Variants in ETFDH observed in about 807,000 individuals in gnomAD.
ETFDH encodes electron transfer flavoprotein-ubiquinone oxidoreductase, mitochondrial.
Under a neutral mutation model 73.2 loss-of-function variants are expected in ETFDH, and 61 were observed. The ratio of observed to expected loss-of-function variants is 0.83; its 90% CI spans 0.68 to 1.03. The LOEUF (loss-of-function observed/expected upper bound fraction) is 1.03. Among genes scored for constraint, ETFDH ranks in the 50% least tolerant of loss-of-function variants. The pLI is 0.00. For synonymous variants in ETFDH, 243 were observed against 253.3 expected (o/e 0.96, Z 0.39); for missense variants, 685 against 745.0 (o/e 0.92, Z 0.94).
chr4:158,675,629 C>T (rs888049611), intron 1 of ETFDH, among the ~76,000 whole-genome samples: 6 of 152,132 alleles, frequency 3.9e-5, no homozygotes, highest in African/African-American at 1.4e-4. Context: ...ATTATCCGGG[C>T]ATGGTGGCAT....
chr4:158,688,476 G>C (rs996775650), intron 5 of ETFDH, among the ~76,000 whole-genome samples: 1 of 150,662 alleles, frequency 6.6e-6, no homozygotes, highest in African/African-American at 2.4e-5. Context: ...ACGAGGTCAG[G>C]AGATCGAGAC....
intron 9 of ETFDH, among the ~76,000 whole-genome samples, chr4:158,699,758 AC>A (rs756253490): frequency 1.1e-4 from 16 of 152,200 alleles, no homozygotes; most frequent in Non-Finnish European, 1.8e-4. Context: ...CTACCTAGTA[AC>A]ATTCATGCCT....
rs140731939 is a variant in ETFDH at position 158,680,540 on chromosome 4, T to G, written c.108T>G (p.Thr36=). 2.5e-6 allele frequency: 4 copies of G among 1,605,628 alleles called. No homozygotes were observed. In the African/African-American group the frequency reaches 4.0e-5, roughly 16 times the overall value. The change falls in exon 2 of 13, where the codon ACT becomes ACG. Residue 36 remains threonine (T), a synonymous_variant. Transcript: ENST00000511912. The part of the protein sequence containing the change: ...LPLCATRWSS[T]STVPRITTHY... ...TATGTGCTACAAGATGGTCTTCAACTTCTACTGTGCCTCGAATTACTACCC... is the reference window on the plus strand; with the variant it reads ...TATGTGCTACAAGATGGTCTTCAACGTCTACTGTGCCTCGAATTACTACCC...
chr4:158,675,280 G>A (rs1280755024), intron 1 of ETFDH, among the ~76,000 whole-genome samples: 2 of 152,098 alleles, frequency 1.3e-5, no homozygotes, highest in Admixed American at 6.6e-5. Flanking sequence ...TCCTGTACAT[G>A]GAAGCATATA....
At chr4:158,691,607 G>A (rs1379476748) in intron 6 of ETFDH, among the ~76,000 whole-genome samples, 1 of 152,206 alleles carries the variant, frequency 6.6e-6, no homozygotes, top group African/African-American at 2.4e-5. Flanking sequence ...ACAGGCGTGA[G>A]CCACCGTGCC....
Position 158,692,256 on chromosome 4 carries a change from C to T in ETFDH, c.684+1831C>T, listed in dbSNP as rs76533944. On this transcript the variant is annotated intron_variant, in intron 6 of 12. Transcript: ENST00000511912. ...AAAAAAAAAATACAAAAAAATTAGC[C>T]GGGCGTAGTGGCGCACGCCTGTAAT... Among the ~76,000 whole-genome samples, 3 of 152,062 alleles carry T rather than the reference C, an allele frequency of 2.0e-5. No individual in the cohort carries two copies. In the East Asian group the frequency reaches 5.8e-4, roughly 29 times the overall value.
At chr4:158,678,051 G>A (rs775401130) in intron 1 of ETFDH, among the ~76,000 whole-genome samples, 2 of 152,200 alleles carry the variant, frequency 1.3e-5, no homozygotes, top group Non-Finnish European at 2.9e-5. Context: ...TTACAGATAA[G>A]TTGCAAAAAT....
At chr4:158,684,787 A>C in intron 4 of ETFDH, 114 bp downstream of exon 4, 1 of 751,274 alleles carries the variant, frequency 1.3e-6, no homozygotes, top group African/African-American at 1.7e-5. Flanking sequence ...CAGATATTTG[A>C]AGGACTTACT....
At chr4:158,683,881 C>T (rs926026832) in intron 3 of ETFDH, among the ~76,000 whole-genome samples, 1 of 152,128 alleles carries the variant, frequency 6.6e-6, no homozygotes, top group African/African-American at 2.4e-5. Context: ...TATGTATAGC[C>T]AGCAGGTACA....
At chr4:158,678,684 G>C (rs951440246) in intron 1 of ETFDH, among the ~76,000 whole-genome samples, 1 of 138,418 alleles carries the variant, frequency 7.2e-6, no homozygotes, top group Non-Finnish European at 1.5e-5. Flanking sequence ...CAAGGTGCTT[G>C]TTGCCCAGGT....
chr4:158,707,170 T>C (rs1418644377), intron 12 of ETFDH, among the ~76,000 whole-genome samples: 4 of 152,210 alleles, frequency 2.6e-5, no homozygotes, highest in African/African-American at 7.2e-5. Context: ...TGTATGTATT[T>C]GGGTGCATGT....
At chr4:158,692,231 A>G (rs570012969) in intron 6 of ETFDH, among the ~76,000 whole-genome samples, 18 of 148,838 alleles carry the variant, frequency 1.2e-4, no homozygotes, top group African/African-American at 4.4e-4. Context: ...GTCCCTACTG[A>G]AAAAAAAAAT....
intron 9 of ETFDH, chr4:158,700,845 G>A (rs9918016): frequency 0.28 from 42,316 of 152,018 alleles, 6,099 homozygotes; most frequent in African/African-American, 0.31. Context: ...GCTGCCATTC[G>A]GCATTGATGA....
In ETFDH at chr4:158,708,734, C is replaced by G; in HGVS notation, c.*207C>G. 3.9e-6 allele frequency: 2 copies of G among 516,522 alleles called. No homozygotes were observed. Among genetic ancestry groups the G allele is most frequent in the Non-Finnish European group, 6.9e-6 (2 of 289,952 alleles). The allele number at this position is 516,522 out of a possible 1,614,324, so 32.0% of individuals were successfully genotyped here. A position where few individuals can be genotyped will look rare whatever the true frequency, so the allele number is the denominator to read the frequency against. On this transcript the variant is annotated 3_prime_UTR_variant, in exon 13 of 13. Transcript: ENST00000511912. Reference sequence around the variant, plus strand: ...AATAACCTTTATAAGAATGCAGCATCTTCCTACCTCTTCAGTTCTTCAGAG... The same window carrying G: ...AATAACCTTTATAAGAATGCAGCATGTTCCTACCTCTTCAGTTCTTCAGAG...
Position 158,687,867 on chromosome 4 carries a change from C to T in ETFDH, c.607-2481C>T, listed in dbSNP as rs548115002. On this transcript the variant is annotated intron_variant, in intron 5 of 12. Coordinates refer to ENST00000511912, the MANE Select transcript of ETFDH (RefSeq NM_004453.4). ...CATCCTGGATAACATGGTGAAACCC[C>T]GTCTCTACTAAAAATACGAAAAATT... Among the ~76,000 whole-genome samples the T allele has an allele frequency of 4.0e-5, 6 of 151,424 alleles. No individual in the cohort carries two copies. In the South Asian group the frequency reaches 1.2e-3, roughly 32 times the overall value.
Position 158,685,680 on chromosome 4 carries a change from G to C in ETFDH, c.606+461G>C, listed in dbSNP as rs1773985625. ...GTCTCTGCCCTCTGAAGGTTCACCA[G>C]AAATGAACTGACAATAGACAGAGTA... On this transcript the variant is annotated intron_variant, in intron 5 of 12. Transcript: ENST00000511912. 2.0e-5 allele frequency among the ~76,000 whole-genome samples: 3 copies of C among 152,178 alleles called. No homozygotes were observed. The South Asian group carries it at 6.2e-4, about 32-fold the overall frequency.
intron 6 of ETFDH, among the ~76,000 whole-genome samples, chr4:158,693,710 G>A (rs559431504): frequency 2.6e-5 from 4 of 152,156 alleles, no homozygotes; most frequent in East Asian, 3.9e-4. Context: ...CCACCCTACC[G>A]CAACAAGATA....
intron 6 of ETFDH, among the ~76,000 whole-genome samples, chr4:158,694,506 A>T (rs1056815504): frequency 1.1e-4 from 16 of 152,098 alleles, no homozygotes; most frequent in African/African-American, 3.6e-4. Flanking sequence ...AGGCAGGAGC[A>T]TAGCTTGAAC....
chr4:158,683,493 T>C (rs1418864528), intron 3 of ETFDH, among the ~76,000 whole-genome samples: 2 of 152,242 alleles, frequency 1.3e-5, no homozygotes, highest in East Asian at 3.8e-4. Context: ...CCTTTTGATA[T>C]TATATCAGAA....
Sources: gnomAD v4.1 joint callset for allele counts (sites outside exome capture counted in the v4.1 genomes callset) on GRCh38, gnomAD v4.1.1 for gene constraint, MANE v1.5 for transcripts, NCBI Gene and HGNC (gene_info 2026-07-23, HGNC 2026-07-21) for gene names.